The following TSPAN19 variants were observed in gnomAD, a reference collection of about 807,000 sequenced individuals.
TSPAN19 encodes tetraspanin-19.
Under a neutral mutation model 35.1 loss-of-function variants are expected in TSPAN19, and 44 were observed. That is an observed-to-expected ratio of 1.25 (90% CI 0.98 to 1.61). TSPAN19 has a LOEUF of 1.61. TSPAN19 is among the 40% of genes most tolerant of loss of function. The probability of loss-of-function intolerance (pLI) is 0.00; values close to 1 mark genes in which losing one functional copy is unlikely to be tolerated. For synonymous variants in TSPAN19, 79 were observed against 92.0 expected (o/e 0.86, Z 0.81); for missense variants, 290 against 280.0 (o/e 1.04, Z -0.26).
At chr12:85,032,494 C>T (rs921169044) in intron 1 of TSPAN19, among the ~76,000 whole-genome samples, 5 of 152,070 alleles carry the variant, frequency 3.3e-5, no homozygotes, top group Non-Finnish European at 5.9e-5. Context: ...ACTTAGTAAG[C>T]GCAAATGTAG....
intron 5 of TSPAN19, among the ~76,000 whole-genome samples, chr12:85,021,604 T>C (rs929646555): frequency 6.6e-6 from 1 of 152,092 alleles, no homozygotes; most frequent in African/African-American, 2.4e-5. Context: ...ATGTGACTAA[T>C]GTATAAATAA....
chr12:85,022,623 G>GCT (rs1347748899), intron 5 of TSPAN19, among the ~76,000 whole-genome samples: 1 of 152,008 alleles, frequency 6.6e-6, no homozygotes, highest in Non-Finnish European at 1.5e-5. Context: ...AAAGCAAGTT[G>GCT]GTGATCCCTA....
chr12:85,017,716 A>C, intron 6 of TSPAN19, 117 bp from the exon 7 acceptor site: 5 of 697,462 alleles, frequency 7.2e-6, no homozygotes, highest in Non-Finnish European at 9.1e-6. Context: ...TTCCCCATGA[A>C]CATGTAATGA....
intron 7 of TSPAN19, chr12:85,016,514 A>C (rs990277184): frequency 6.6e-6 from 1 of 152,016 alleles, no homozygotes; most frequent in Non-Finnish European, 1.5e-5. Flanking sequence ...GTTCTTGAAC[A>C]CAGGCACTGT....
chr12:85,035,869 C>T (rs1005636566), intron 1 of TSPAN19, among the ~76,000 whole-genome samples: 1 of 151,948 alleles, frequency 6.6e-6, no homozygotes, highest in African/African-American at 2.4e-5. Context: ...CACCCACATC[C>T]CTTCAGTTAG....
chr12:85,031,599 T>G (rs1263862534), intron 1 of TSPAN19, among the ~76,000 whole-genome samples: 1 of 152,156 alleles, frequency 6.6e-6, no homozygotes, highest in Non-Finnish European at 1.5e-5. Context: ...AAGTAAACTT[T>G]TATTTATCTC....
chr12:85,029,782 G>A lies in TSPAN19; in HGVS notation c.76C>T (p.Leu26Phe). ...LINGAFLVLG[L>F]LFMGFGAWLL... is the part of the protein sequence containing the mutation. Reference sequence around the variant, plus strand: ...CATGCACCAAATCCCATGAATAAAAGTCCAAGAACCTAAAAAAAGAAAGTC... The same window carrying A: ...CATGCACCAAATCCCATGAATAAAAATCCAAGAACCTAAAAAAAGAAAGTC... The change falls in exon 3 of 9, where the codon CTT becomes TTT. Residue 26 changes from leucine (L) to phenylalanine (F), a missense_variant. Leu to Phe is a conservative substitution (Grantham distance 22). Coordinates refer to ENST00000532498, the MANE Select transcript of TSPAN19 (RefSeq NM_001100917.2). 1 of 1,542,120 alleles carries A rather than the reference G, an allele frequency of 6.5e-7. No individual in the cohort carries two copies. Among genetic ancestry groups the A allele is most frequent in the Non-Finnish European group, 8.7e-7 (1 of 1,144,734 alleles).
chr12:85,020,293 C>T (rs892805550), intron 5 of TSPAN19, among the ~76,000 whole-genome samples: 3 of 151,404 alleles, frequency 2.0e-5, no homozygotes, highest in Admixed American at 6.6e-5. Context: ...GCCTGTTTTG[C>T]GTCTATTAAG....
chr12:85,015,780 T>A, intron 8 of TSPAN19, 108 bp downstream of exon 8: 1 of 746,928 alleles, frequency 1.3e-6, no homozygotes, highest in South Asian at 2.0e-5. Flanking sequence ...AAGTCCTGGC[T>A]CTATTATATG....
chr12:85,019,230 T>C (rs1187199119), intron 6 of TSPAN19, among the ~76,000 whole-genome samples: 3 of 151,688 alleles, frequency 2.0e-5, no homozygotes, highest in Non-Finnish European at 4.4e-5. Context: ...TTTAAGAGGG[T>C]TACTTGTCCA....
rs569090736 is a variant in TSPAN19 at position 85,029,625 on chromosome 12, G to A, written c.139+94C>T. On this transcript the variant is annotated intron_variant, in intron 3 of 8. Coordinates refer to ENST00000532498, the MANE Select transcript of TSPAN19 (RefSeq NM_001100917.2). ...AATGCTGGACACTTAATAAATTACAGAGAAATACTGCCACCTGCTGAATAA... is the reference window on the plus strand; with the variant it reads ...AATGCTGGACACTTAATAAATTACAAAGAAATACTGCCACCTGCTGAATAA... 7.1e-6 allele frequency: 7 copies of A among 986,502 alleles called. No homozygotes were observed. In the East Asian group the frequency reaches 1.6e-4, roughly 23 times the overall value. 61.1% of individuals were successfully genotyped at this position (986,502 alleles called of 1,614,324 possible).
At chr12:85,019,589 A>G (rs781570501) in intron 6 of TSPAN19, 37 bp downstream of exon 6, 1 of 1,296,228 alleles carries the variant, frequency 7.7e-7, no homozygotes, top group Non-Finnish European at 1.1e-6. Context: ...ACAGTGGTCA[A>G]TACTGACATC....
intron 5 of TSPAN19, among the ~76,000 whole-genome samples, chr12:85,020,688 A>G (rs1403109184): frequency 1.3e-5 from 2 of 152,020 alleles, no homozygotes; most frequent in Non-Finnish European, 2.9e-5. Flanking sequence ...CCTGTCCTAT[A>G]TGCAGAAGCC....
At chr12:85,031,650 T>C (rs1877688432) in intron 1 of TSPAN19, among the ~76,000 whole-genome samples, 1 of 152,148 alleles carries the variant, frequency 6.6e-6, no homozygotes, top group South Asian at 2.1e-4. Flanking sequence ...GAAAATCATG[T>C]TAGAAACTTG....
Position 85,023,401 on chromosome 12 carries a change from C to A in TSPAN19, c.265-1G>T. 1 of 1,572,262 alleles carries A rather than the reference C, an allele frequency of 6.4e-7. No homozygotes were observed. The stretch of plus-strand genomic sequence containing the variant: ...AGGTCCATGTTATCAATACTGCATA[C>A]TAAAACAAAAGAAAAATAGAGATGA... On this transcript the variant is annotated splice_acceptor_variant, in intron 4 of 8. Coordinates refer to ENST00000532498, the MANE Select transcript of TSPAN19 (RefSeq NM_001100917.2). LOFTEE classifies it high-confidence loss of function.
intron 1 of TSPAN19, among the ~76,000 whole-genome samples, chr12:85,034,925 T>A (rs1877878238): frequency 6.6e-6 from 1 of 152,218 alleles, no homozygotes; most frequent in African/African-American, 2.4e-5. Flanking sequence ...GGAAAGGAAC[T>A]AAGGCATTAT....
chr12:85,015,549 C>G (rs765942553), intron 8 of TSPAN19: 2 of 159,588 alleles, frequency 1.3e-5, no homozygotes, highest in African/African-American at 2.5e-5. Context: ...TATACACACA[C>G]ACACACACAC....
chr12:85,017,688 A>T, intron 6 of TSPAN19, 89 bp from the exon 7 acceptor site: 1 of 958,268 alleles, frequency 1.0e-6, no homozygotes, highest in South Asian at 1.9e-5. Context: ...TTTTGTGATG[A>T]AGATAACTCA....
intron 4 of TSPAN19, 56 bp from the exon 5 acceptor site, chr12:85,023,456 G>T: frequency 7.3e-7 from 1 of 1,363,984 alleles, no homozygotes; most frequent in Non-Finnish European, 1.0e-6. Flanking sequence ...TGTTTTGTAT[G>T]CTCAAATAAT....
Sources: allele counts gnomAD v4.1 joint callset (sites outside exome capture counted in the v4.1 genomes callset), GRCh38; gene constraint gnomAD v4.1.1; transcripts MANE v1.5; gene names NCBI Gene and HGNC (gene_info 2026-07-23, HGNC 2026-07-21).